Variants in ACTN1 observed in about 807,000 individuals in gnomAD.
ACTN1 encodes alpha-actinin-1.
A neutral mutation model predicts 119.6 loss-of-function variants in ACTN1; 30 were observed. The observed-to-expected ratio is 0.25, with a 90% CI of 0.19 to 0.34. ACTN1 has a LOEUF of 0.34. Ranked by LOEUF, ACTN1 falls within the 10% of genes least tolerant of loss-of-function variation. ACTN1 has a pLI of 1.00. For synonymous variants in ACTN1, 429 were observed against 472.6 expected (o/e 0.91, Z 1.20); for missense variants, 764 against 1,223.4 (o/e 0.62, Z 5.60).
chr14:68,917,428 G>A (rs2034362842), intron 3 of ACTN1, among the ~76,000 whole-genome samples: 1 of 152,176 alleles, frequency 6.6e-6, no homozygotes, highest in African/African-American at 2.4e-5. Context: ...TTGGTGGGGG[G>A]TGAGGGGTGT....
rs1594756590 is a variant in ACTN1 at position 68,883,051 on chromosome 14, A to G, written c.1640T>C (p.Leu547Pro). 1 of 1,614,096 alleles carries G rather than the reference A, an allele frequency of 6.2e-7. No homozygotes were observed. Among genetic ancestry groups the G allele is most frequent in the Non-Finnish European group, 8.5e-7 (1 of 1,179,996 alleles). Residue 547 changes from leucine (L) to proline (P), a missense_variant, in exon 15 of 22, where the codon CTG (leucine) becomes CCG (proline). Leu to Pro is a moderately conservative substitution (Grantham distance 98). This residue lies in a region of ACTN1 where 544 missense variants were observed against 912.0 expected (regional missense o/e 0.60). Coordinates refer to ENST00000394419, the MANE Select transcript of ACTN1 (RefSeq NM_001130004.2). ...CTTGAACTGCTCATGGGCTGTGGTCAGTCCCTGGACAGAGATGGGAATATG... is the reference window on the plus strand; with the variant it reads ...CTTGAACTGCTCATGGGCTGTGGTCGGTCCCTGGACAGAGATGGGAATATG... ...IVHTIEEIQGLTTAHEQFKAT... is the reference protein window; with the variant it reads ...IVHTIEEIQGPTTAHEQFKAT...
intron 1 of ACTN1, among the ~76,000 whole-genome samples, chr14:68,948,287 G>T (rs1481477760): frequency 6.6e-6 from 1 of 152,232 alleles, no homozygotes; most frequent in Non-Finnish European, 1.5e-5. Flanking sequence ...AAGAAGTAGG[G>T]TTTTCTGGCT....
At position 68,893,824 on chromosome 14, in the gene ACTN1, A is replaced by T. The variant is rs528908880; in HGVS notation, c.763-77T>A. 143 of 1,394,216 alleles carry T rather than the reference A, an allele frequency of 1.0e-4. No homozygotes were observed. The Middle Eastern group carries it at 3.1e-3, about 30-fold the overall frequency. 86.4% of individuals were successfully genotyped at this position (1,394,216 alleles called of 1,614,324 possible). ...ACCTGGTACACACCTGTGCTGACAA[A>T]GCCCCTCCCATCCCTGCAGCTCCCT... On this transcript the variant is annotated intron_variant, in intron 8 of 21. Transcript: ENST00000394419.
chr14:68,948,837 C>T (rs928127808), intron 1 of ACTN1, among the ~76,000 whole-genome samples: 8 of 152,216 alleles, frequency 5.3e-5, no homozygotes. Flanking sequence ...TGTGATCTAG[C>T]TGACAGAACA....
chr14:68,916,458 A>C (rs2140325087), intron 3 of ACTN1, among the ~76,000 whole-genome samples: 1 of 152,330 alleles, frequency 6.6e-6, no homozygotes, highest in Middle Eastern at 3.4e-3. Context: ...CACCAAAGGC[A>C]TAGTTTCACT....
intron 7 of ACTN1, 68 bp from the exon 8 acceptor site, chr14:68,902,630 A>G: frequency 7.4e-7 from 1 of 1,348,742 alleles, no homozygotes; most frequent in Non-Finnish European, 1.1e-6. Flanking sequence ...GACGTGAGGC[A>G]GAAAGAAGCT....
chr14:68,926,986 T>C (rs534240567), intron 1 of ACTN1, among the ~76,000 whole-genome samples: 135 of 152,298 alleles, frequency 8.9e-4, no homozygotes, highest in Non-Finnish European at 1.2e-3. Flanking sequence ...CCTGTGACTT[T>C]GGGCTTAATT....
rs1594751407 is a variant in ACTN1 at position 68,879,888 on chromosome 14, CG to C, written c.2280+73del. Reference sequence around the variant, plus strand: ...CTCACTTGCATGGCAGCCCACGTCCCGGGGAAGTGCCCTCCAGGGCCCTGGG... The same window carrying C: ...CTCACTTGCATGGCAGCCCACGTCCCGGGAAGTGCCCTCCAGGGCCCTGGG... On this transcript the variant is annotated intron_variant, in intron 18 of 21. Coordinates refer to ENST00000394419, the MANE Select transcript of ACTN1 (RefSeq NM_001130004.2). This position sits in a 1 kb window ranked among gnomAD's most constrained non-coding sequence, Gnocchi z 4.9. The C allele has an allele frequency of 1.9e-6, 3 of 1,562,680 alleles. No individual in the cohort carries two copies. The highest frequency in any genetic ancestry group is 4.5e-5 in the East Asian group (2 of 44,170).
rs568487253 is a variant in ACTN1, at chr14:68,922,200, C to T, written c.221-1075G>A. Among the ~76,000 whole-genome samples the T allele has an allele frequency of 6.6e-5, 10 of 152,302 alleles. 1 individual carries two copies. In the South Asian group the frequency reaches 2.1e-3, roughly 32 times the overall value. On this transcript the variant is annotated intron_variant, in intron 2 of 21. Transcript: ENST00000394419. ...CACACCCACTGTCTCCCCAGCAGGT[C>T]GACAATCTGGCTGCGAGGACTCCAG... is the stretch of plus-strand genomic sequence containing the variant.
intron 1 of ACTN1, among the ~76,000 whole-genome samples, chr14:68,972,893 C>G (rs1231162554): frequency 1.3e-5 from 2 of 152,084 alleles, no homozygotes; most frequent in African/African-American, 4.8e-5. Flanking sequence ...AGGACAATTG[C>G]TGATAATTAC....
chr14:68,934,719 G>T (rs1429147155), intron 1 of ACTN1, among the ~76,000 whole-genome samples: 2 of 152,170 alleles, frequency 1.3e-5, no homozygotes, highest in Admixed American at 1.3e-4. Context: ...TATTAATAAG[G>T]TATTAGGTTA....
chr14:68,963,372 T>G (rs2036601372), intron 1 of ACTN1, among the ~76,000 whole-genome samples: 1 of 152,218 alleles, frequency 6.6e-6, no homozygotes, highest in South Asian at 2.1e-4. Context: ...GAATGTCTGC[T>G]TTATGTTTGT....
At chr14:68,967,936 T>C (rs2036757588) in intron 1 of ACTN1, among the ~76,000 whole-genome samples, 1 of 152,228 alleles carries the variant, frequency 6.6e-6, no homozygotes. Flanking sequence ...CCATAAAATA[T>C]AAACTCATTT....
intron 21 of ACTN1, among the ~76,000 whole-genome samples, chr14:68,876,856 G>A (rs528122171): frequency 2.0e-4 from 30 of 152,282 alleles, no homozygotes; most frequent in African/African-American, 7.0e-4. Flanking sequence ...GTCCCTCACT[G>A]GCATGCAGTG....
rs773280382 is a variant in ACTN1 at position 68,879,383 on chromosome 14, T to C, written c.2281-314A>G. On this transcript the variant is annotated intron_variant, in intron 18 of 21. Coordinates refer to ENST00000394419, the MANE Select transcript of ACTN1 (RefSeq NM_001130004.2). This position sits in a 1 kb window ranked among gnomAD's most constrained non-coding sequence, Gnocchi z 4.9. ...CCAGCCCCCCCGCTTCCCCAGGGGC[T>C]TCCCCCCAGGTGCCTAGAGAGCCAT... is the stretch of plus-strand genomic sequence containing the variant. Among the ~76,000 whole-genome samples the C allele has an allele frequency of 1.8e-4, 28 of 151,956 alleles. No individual in the cohort carries two copies. Among genetic ancestry groups the C allele is most frequent in the Non-Finnish European group, 3.7e-4 (25 of 67,944 alleles).
intron 1 of ACTN1, among the ~76,000 whole-genome samples, chr14:68,976,500 G>A (rs2037065145): frequency 6.6e-6 from 1 of 152,214 alleles, no homozygotes. Flanking sequence ...ATAATCTAGA[G>A]AATTAACAGG....
chr14:68,906,033 T>C (rs4899269), intron 6 of ACTN1, among the ~76,000 whole-genome samples: 27,715 of 149,092 alleles, frequency 0.19, 3,423 homozygotes, highest in East Asian at 0.63. Context: ...TGTTATGAGG[T>C]TCCCAGACAG....
Position 68,890,305 on chromosome 14 carries a change from C to G in ACTN1, c.1087-19G>C, listed in dbSNP as rs979208812. The G allele has an allele frequency of 7.4e-6, 12 of 1,613,418 alleles. No homozygotes were observed. In the African/African-American group the frequency reaches 9.3e-5, roughly 13 times the overall value. ...TGATGTCCTGTGGGGATGGGAGGTA[C>G]AGGGTCAGGGTCTGGCTTGGGCCTA... On this transcript the variant is annotated intron_variant, in intron 10 of 21. Transcript: ENST00000394419.
Position 68,909,181 on chromosome 14 carries a change from G to T in ACTN1, c.594+137C>A. On this transcript the variant is annotated intron_variant, in intron 6 of 21. Coordinates refer to ENST00000394419, the MANE Select transcript of ACTN1 (RefSeq NM_001130004.2). The surrounding 1 kb of genome is among the most constrained non-coding windows in gnomAD (Gnocchi z 4.1). ...GTGTTTTCTCTTCACTTTCAGTTGG[G>T]GCTCTGTCTGGCTATTCTAAGAGGC... is the stretch of plus-strand genomic sequence containing the variant. 1.3e-6 allele frequency: 1 copy of T among 783,762 alleles called. No homozygotes were observed. Among genetic ancestry groups the T allele is most frequent in the Non-Finnish European group, 2.1e-6 (1 of 482,080 alleles). 48.6% of individuals were successfully genotyped at this position (783,762 alleles called of 1,614,324 possible). A position where few individuals can be genotyped will look rare whatever the true frequency, so the allele number is the denominator to read the frequency against.
Sources: gnomAD v4.1 joint callset for allele counts (sites outside exome capture counted in the v4.1 genomes callset) on GRCh38, gnomAD v4.1.1 for gene constraint, gnomAD v4.1.1 regional missense constraint, Gnocchi (gnomAD v3.1) non-coding constraint, MANE v1.5 for transcripts, NCBI Gene and HGNC (gene_info 2026-07-23, HGNC 2026-07-21) for gene names.